ZNF292: variants seen among roughly 807,000 people sequenced by gnomAD.
ZNF292 encodes the protein 16 zinc-finger domain protein.
ZNF292 carries 26 observed loss-of-function variants against 217.9 expected under a neutral mutation model. The ratio of observed to expected loss-of-function variants is 0.12; its 90% CI spans 0.09 to 0.17. The LOEUF is 0.17. Ranked by LOEUF, ZNF292 falls within the 10% of genes least tolerant of loss-of-function variation. ZNF292 has a pLI of 1.00. For synonymous variants in ZNF292, 1,257 were observed against 1,124.1 expected, an observed-to-expected ratio of 1.12 and a Z score of -2.37; for missense variants, 2,904 against 3,175.2, an observed-to-expected ratio of 0.91 and a Z score of 2.05.
intron 1 of ZNF292, among the ~76,000 whole-genome samples, chr6:87,177,460 T>C (rs1047100970): frequency 1.3e-5 from 2 of 152,208 alleles, no homozygotes; most frequent in Non-Finnish European, 1.5e-5. Flanking sequence ...AAATTTGATA[T>C]GTCATTACTG....
intron 1 of ZNF292, among the ~76,000 whole-genome samples, chr6:87,192,679 A>C (rs1771852130): frequency 6.6e-6 from 1 of 152,184 alleles, no homozygotes; most frequent in African/African-American, 2.4e-5. Flanking sequence ...TCAAAAATGG[A>C]ATTATATACT....
intron 1 of ZNF292, among the ~76,000 whole-genome samples, chr6:87,171,132 T>A (rs1771081462): frequency 6.6e-6 from 1 of 152,196 alleles, no homozygotes; most frequent in Non-Finnish European, 1.5e-5. Context: ...AGGATTAGAC[T>A]TTATAATAAT....
rs1770944047 is a variant in ZNF292, at chr6:87,167,136, C to G, written c.168+11377C>G. Reference sequence around the variant, plus strand: ...AAATACTACCATTTATTTCCTTAAACTAGGAAGTGAACTGCAGGAAAAATC... The same window carrying G: ...AAATACTACCATTTATTTCCTTAAAGTAGGAAGTGAACTGCAGGAAAAATC... On this transcript the variant is annotated intron_variant, in intron 1 of 7. Transcript: ENST00000369577. 3.9e-5 allele frequency among the ~76,000 whole-genome samples: 6 copies of G among 152,200 alleles called. No homozygotes were observed. The South Asian group carries it at 8.3e-4, about 21-fold the overall frequency.
intron 1 of ZNF292, among the ~76,000 whole-genome samples, chr6:87,160,141 G>T (rs1207183432): frequency 6.6e-6 from 1 of 152,184 alleles, no homozygotes; most frequent in East Asian, 1.9e-4. Context: ...AGTCTCTGGA[G>T]GAAGGTAGAC....
At chr6:87,161,720 T>G (rs1770759917) in intron 1 of ZNF292, among the ~76,000 whole-genome samples, 1 of 152,222 alleles carries the variant, frequency 6.6e-6, no homozygotes, top group African/African-American at 2.4e-5. Context: ...CCAGCCTGGT[T>G]TTGCTTTTTT....
intron 1 of ZNF292, among the ~76,000 whole-genome samples, chr6:87,169,055 T>G (rs1267980325): frequency 1.3e-5 from 2 of 152,144 alleles, no homozygotes; most frequent in Non-Finnish European, 2.9e-5. Context: ...TAATTTTTAT[T>G]TTTTTGAGAC....
Position 87,155,756 on chromosome 6 carries a change from C to T in ZNF292, c.165C>T (p.Cys55=). Residue 55 remains cysteine (C), a synonymous_variant, in exon 1 of 8, where the codon TGC becomes TGT. Coordinates refer to ENST00000369577, the MANE Select transcript of ZNF292 (RefSeq NM_015021.3). The part of the protein sequence containing the change: ...EAATDYCQQL[C]QTLLEYAEKW... Reference sequence around the variant, plus strand: ...CCACCGACTACTGTCAGCAGCTGTGCCAGGTGAGGGCGCCCGGTGGTCCCC... The same window carrying T: ...CCACCGACTACTGTCAGCAGCTGTGTCAGGTGAGGGCGCCCGGTGGTCCCC... 6.3e-7 allele frequency: 1 copy of T among 1,593,252 alleles called. No individual in the cohort carries two copies. The highest frequency in any genetic ancestry group is 8.5e-7 in the Non-Finnish European group (1 of 1,170,358).
chr6:87,258,243 C>G lies in ZNF292; in HGVS notation c.4614C>G (p.His1538Gln). The G allele has an allele frequency of 6.2e-7, 1 of 1,612,806 alleles. No individual in the cohort carries two copies. The highest frequency in any genetic ancestry group is 8.5e-7 in the Non-Finnish European group (1 of 1,179,500). ...ATCCAACTGTACCACCCCTGTTGCA[C>G]ACTGTATGCCATCCAAACACCTTGC... ...MPNPTVPPLL[H>Q]TVCHPNTLLT... is the part of the protein sequence containing the mutation. Residue 1538 changes from histidine (H) to glutamine (Q), a missense_variant, in exon 8 of 8, where the codon CAC becomes CAG. Around this residue, in one of 15 missense-constraint regions of ZNF292, gnomAD observed 622 missense variants for 573.1 expected, o/e 1.09. Coordinates refer to ENST00000369577, the MANE Select transcript of ZNF292 (RefSeq NM_015021.3).
At chr6:87,183,752 A>G (rs1392410536) in intron 1 of ZNF292, among the ~76,000 whole-genome samples, 1 of 152,236 alleles carries the variant, frequency 6.6e-6, no homozygotes, top group Admixed American at 6.5e-5. Flanking sequence ...TTATAAGCAG[A>G]TAAGCCATTA....
intron 1 of ZNF292, among the ~76,000 whole-genome samples, chr6:87,200,425 C>T (rs975574834): frequency 1.3e-5 from 2 of 151,984 alleles, no homozygotes; most frequent in African/African-American, 4.8e-5. Flanking sequence ...GTGGATGAAA[C>T]CTAAAAACAT....
Position 87,255,146 on chromosome 6 carries a change from G to A in ZNF292, c.1517G>A (p.Gly506Asp), listed in dbSNP as rs1162216501. Residue 506 changes from glycine (G) to aspartate (D), a missense_variant, in exon 8 of 8, where the codon GGC becomes GAC. By Grantham distance (94) the Gly-to-Asp change is moderately conservative. Coordinates refer to ENST00000369577, the MANE Select transcript of ZNF292 (RefSeq NM_015021.3). ...TCTGGTGGAGTTGGTGCTAATTCTG[G>A]CCTTCTTAAAGACATTGGTGATGAA... ...GLSGGVGANS[G>D]LLKDIGDEKQ... is the part of the protein sequence containing the mutation. The A allele has an allele frequency of 1.2e-6, 2 of 1,613,654 alleles. No homozygotes were observed. The highest frequency in any genetic ancestry group is 2.2e-5 in the East Asian group (1 of 44,870).
At chr6:87,176,884 G>T (rs906617914) in intron 1 of ZNF292, among the ~76,000 whole-genome samples, 8 of 152,120 alleles carry the variant, frequency 5.3e-5, no homozygotes, top group African/African-American at 1.9e-4. Flanking sequence ...TCTTCCTCGT[G>T]GATGTTTAGT....
chr6:87,213,982 AG>A (rs1723775612), intron 1 of ZNF292: 1 of 152,208 alleles, frequency 6.6e-6, no homozygotes, highest in African/African-American at 2.4e-5. Context: ...AAACAGGGGA[AG>A]GTCGGAGAGA....
At position 87,265,560 on chromosome 6, in the gene ZNF292, A is replaced by G. The variant is rs1244279267; in HGVS notation, c.*3759A>G. Among the ~76,000 whole-genome samples, 1 of 152,208 alleles carries G rather than the reference A, an allele frequency of 6.6e-6. No homozygotes were observed. The highest frequency in any genetic ancestry group is 1.5e-5 in the Non-Finnish European group (1 of 68,040). On this transcript the variant is annotated 3_prime_UTR_variant, in exon 8 of 8. Transcript: ENST00000369577. ...AATGCATGTTTGCATATTAAAGACA[A>G]AAGTTCTACTGTAAATATGTAAAAA...
Position 87,255,602 on chromosome 6 carries a change from A to G in ZNF292, c.1973A>G (p.Asn658Ser), listed in dbSNP as rs1263327449. 1.2e-6 allele frequency: 2 copies of G among 1,611,844 alleles called. No individual in the cohort carries two copies. Among genetic ancestry groups the G allele is most frequent in the Non-Finnish European group, 1.7e-6 (2 of 1,178,728 alleles). ...FNDNDGSDDE[N>S]DDKDKSYEPE... ...GACAATGATGGTTCAGATGATGAGA[A>G]TGATGACAAAGATAAATCCTATGAG... Residue 658 changes from asparagine to serine, a missense_variant, in exon 8 of 8, where the codon AAT becomes AGT. Asn to Ser is a conservative substitution (Grantham distance 46). Transcript: ENST00000369577.
intron 1 of ZNF292, among the ~76,000 whole-genome samples, chr6:87,171,958 A>G (rs1033122625): frequency 2.0e-5 from 3 of 152,324 alleles, no homozygotes; most frequent in Non-Finnish European, 4.4e-5. Flanking sequence ...TATGTCTGGT[A>G]CTAGTTAAAT....
chr6:87,183,811 A>G lies in ZNF292; in HGVS notation c.168+28052A>G, dbSNP rs570201216. On this transcript the variant is annotated intron_variant, in intron 1 of 7. Coordinates refer to ENST00000369577, the MANE Select transcript of ZNF292 (RefSeq NM_015021.3). ...GTGAAATGTGTAAATACATATCACTATGGTTGGTAATTGTATACACGCAGT... is the reference window on the plus strand; with the variant it reads ...GTGAAATGTGTAAATACATATCACTGTGGTTGGTAATTGTATACACGCAGT... Among the ~76,000 whole-genome samples the G allele has an allele frequency of 2.6e-5, 4 of 152,314 alleles. No individual in the cohort carries two copies. The East Asian group carries it at 7.7e-4, about 29-fold the overall frequency.
intron 1 of ZNF292, among the ~76,000 whole-genome samples, chr6:87,180,315 A>T (rs1021355562): frequency 2.0e-5 from 3 of 152,240 alleles, no homozygotes; most frequent in Non-Finnish European, 4.4e-5. Flanking sequence ...GAGTGCTGGA[A>T]GGACAGTGCA....
chr6:87,159,704 G>A lies in ZNF292; in HGVS notation c.168+3945G>A, dbSNP rs1052442284. 1.1e-4 allele frequency among the ~76,000 whole-genome samples: 16 copies of A among 151,414 alleles called. 1 individual carries two copies. The highest frequency in any genetic ancestry group is 3.9e-4 in the African/African-American group (16 of 41,182). Reference sequence around the variant, plus strand: ...TTTACTAGAGACAGGGTTTCTCCTTGTTGGTCAGGCTGGTTCCGCCCCTCT... The same window carrying A: ...TTTACTAGAGACAGGGTTTCTCCTTATTGGTCAGGCTGGTTCCGCCCCTCT... On this transcript the variant is annotated intron_variant, in intron 1 of 7. Coordinates refer to ENST00000369577, the MANE Select transcript of ZNF292 (RefSeq NM_015021.3).
Sources: gnomAD v4.1 joint callset for allele counts (sites outside exome capture counted in the v4.1 genomes callset) on GRCh38, gnomAD v4.1.1 for gene constraint, gnomAD v4.1.1 regional missense constraint, MANE v1.5 for transcripts, NCBI Gene and HGNC (gene_info 2026-07-23, HGNC 2026-07-21) for gene names.